The following APC variants were observed in gnomAD, a reference collection of about 807,000 sequenced individuals.
APC encodes the protein APC regulator of Wnt signaling pathway.
Under a neutral mutation model 247.0 loss-of-function variants are expected in APC, and 72 were observed. The ratio of observed to expected loss-of-function variants is 0.29; its 90% CI spans 0.24 to 0.35. The LOEUF is 0.35. APC is among the 10% of genes least tolerant of loss of function. APC has a pLI of 1.00. For synonymous variants in APC, 1,254 were observed against 1,162.5 expected (o/e 1.08, Z -1.60); for missense variants, 3,400 against 3,360.7 (o/e 1.01, Z -0.29).
intron 5 of APC, among the ~76,000 whole-genome samples, chr5:112,776,099 G>A (rs974569682): frequency 6.6e-6 from 1 of 152,100 alleles, no homozygotes; most frequent in African/African-American, 2.4e-5. Flanking sequence ...GTACTGTGTT[G>A]CAGGAATCAT....
At chr5:112,805,163 T>C (rs1761245517) in intron 8 of APC, among the ~76,000 whole-genome samples, 1 of 152,176 alleles carries the variant, frequency 6.6e-6, no homozygotes, top group Non-Finnish European at 1.5e-5. Context: ...ACTTATTCTT[T>C]TGTGTGTCGT....
chr5:112,750,778 G>A (rs1270042227), intron 1 of APC, among the ~76,000 whole-genome samples: 2 of 151,608 alleles, frequency 1.3e-5, no homozygotes, highest in Admixed American at 1.3e-4. Flanking sequence ...CTTTGAAGAG[G>A]GTGTACACCA....
intron 2 of APC, among the ~76,000 whole-genome samples, chr5:112,762,068 G>A (rs1755735208): frequency 6.6e-6 from 1 of 152,032 alleles, no homozygotes; most frequent in East Asian, 1.9e-4. Context: ...AGACAATCCA[G>A]TTTTTAAAAT....
At chr5:112,721,207 A>C (rs1751463868) in intron 1 of APC, among the ~76,000 whole-genome samples, 1 of 152,132 alleles carries the variant, frequency 6.6e-6, no homozygotes, top group Non-Finnish European at 1.5e-5. Context: ...TGAGGTCAGG[A>C]GTTCGAGACC....
rs757577924 is a variant in APC, at chr5:112,840,802, A to G, written c.5208A>G (p.Lys1736=). ...ECINSAMPKG[K]SHKPFRVKKI... Reference sequence around the variant, plus strand: ...TTAATTCTGCTATGCCCAAAGGGAAAAGTCACAAGCCTTTCCGTGTGAAAA... The same window carrying G: ...TTAATTCTGCTATGCCCAAAGGGAAGAGTCACAAGCCTTTCCGTGTGAAAA... The change falls in exon 16 of 16, where the codon AAA becomes AAG. Residue 1736 remains lysine, a synonymous_variant. Transcript: ENST00000257430. The surrounding 1 kb of genome is among the most constrained non-coding windows in gnomAD (Gnocchi z 4.1). 1 of 1,614,128 alleles carries G rather than the reference A, an allele frequency of 6.2e-7. No homozygotes were observed. The highest frequency in any genetic ancestry group is 2.2e-5 in the East Asian group (1 of 44,882).
chr5:112,810,085 C>T (rs750192469), intron 8 of APC: 9 of 454,108 alleles, frequency 2.0e-5, no homozygotes, highest in Non-Finnish European at 4.0e-5. Flanking sequence ...TTAACTGATA[C>T]AGACTATAAG....
At position 112,780,805 on chromosome 5, in the gene APC, G is replaced by T; in HGVS notation, c.547G>T (p.Asp183Tyr). The change falls in exon 6 of 16, where the codon GAT becomes TAT. Residue 183 changes from aspartate to tyrosine, a missense_variant. By Grantham distance (160) the Asp-to-Tyr change is radical (BLOSUM62 -3). Coordinates refer to ENST00000257430, the MANE Select transcript of APC (RefSeq NM_000038.6). ...GTGGTTTTAGTTTTCCTTACAAACA[G>T]ATATGACCAGAAGGCAATTGGAATA... Reference protein sequence around the residue: ...PLTENFSLQTDMTRRQLEYEA... With the variant: ...PLTENFSLQTYMTRRQLEYEA... The T allele has an allele frequency of 6.2e-7, 1 of 1,611,558 alleles. No individual in the cohort carries two copies. The highest frequency in any genetic ancestry group is 8.5e-7 in the Non-Finnish European group (1 of 1,178,020).
chr5:112,771,155 C>G lies in APC; in HGVS notation c.422+3765C>G, dbSNP rs568017955. On this transcript the variant is annotated intron_variant, in intron 4 of 15. Transcript: ENST00000257430. ...TGCTCCCTATTGATAGAATATCATA[C>G]TCTTTGTGCTGTTTAAAGGAAGATG... 3.9e-5 allele frequency among the ~76,000 whole-genome samples: 6 copies of G among 152,208 alleles called. No individual in the cohort carries two copies. The South Asian group carries it at 1.2e-3, about 32-fold the overall frequency.
At chr5:112,782,245 G>T (rs957362892) in intron 6 of APC, among the ~76,000 whole-genome samples, 2 of 152,052 alleles carry the variant, frequency 1.3e-5, no homozygotes, top group Non-Finnish European at 2.9e-5. Flanking sequence ...ATCAGATCTC[G>T]TGAGAATTAT....
At chr5:112,833,832 A>G (rs540138100) in intron 14 of APC, among the ~76,000 whole-genome samples, 16 of 152,326 alleles carry the variant, frequency 1.1e-4, no homozygotes, top group Admixed American at 5.9e-4. Context: ...AACCACTTGT[A>G]TATAATGCTT....
chr5:112,722,925 A>G lies in APC; in HGVS notation c.165+15043A>G, dbSNP rs566391967. Among the ~76,000 whole-genome samples, 4 of 152,134 alleles carry G rather than the reference A, an allele frequency of 2.6e-5. No homozygotes were observed. The South Asian group carries it at 8.3e-4, about 32-fold the overall frequency. On this transcript the variant is annotated intron_variant, in intron 1 of 13. Transcript: ENST00000507379. Reference sequence around the variant, plus strand: ...ACCATGTAGAAATGTGTTTGGACAAAAAGTGCGTGATCTAAGCCCAGCAAG... The same window carrying G: ...ACCATGTAGAAATGTGTTTGGACAAGAAGTGCGTGATCTAAGCCCAGCAAG...
rs886059818 is a variant in APC, at chr5:112,846,086, C to G, written c.*1960C>G. ...AAGATATTTGACTCCAATGCCTGTA[C>G]TGTGTCTACTGCACCACTTTGTAAA... On this transcript the variant is annotated 3_prime_UTR_variant, in exon 16 of 16. Transcript: ENST00000257430. The G allele has an allele frequency of 1.7e-5, 4 of 232,102 alleles. No homozygotes were observed. The Admixed American group carries it at 2.3e-4, about 13-fold the overall frequency. 14.4% of individuals were successfully genotyped at this position (232,102 alleles called of 1,614,324 possible). A position where few individuals can be genotyped will look rare whatever the true frequency, so the allele number is the denominator to read the frequency against.
intron 1 of APC, among the ~76,000 whole-genome samples, chr5:112,723,144 T>TA (rs34534877): frequency 0.39 from 59,098 of 150,190 alleles, 13,748 homozygotes; most frequent in East Asian, 0.67. Context: ...TCAACATTAT[T>TA]AAAAAAAAAG....
In APC at chr5:112,773,792, G is replaced by C. The variant is rs571905577; in HGVS notation, c.423-1837G>C. 2.6e-5 allele frequency among the ~76,000 whole-genome samples: 4 copies of C among 152,128 alleles called. No individual in the cohort carries two copies. In the South Asian group the frequency reaches 8.3e-4, roughly 32 times the overall value. Reference sequence around the variant, plus strand: ...ACAAAGCACTATCATTTTTAATATAGAAAAGGTCCTACAAATAAGAAAAAT... The same window carrying C: ...ACAAAGCACTATCATTTTTAATATACAAAAGGTCCTACAAATAAGAAAAAT... On this transcript the variant is annotated intron_variant, in intron 4 of 15. Coordinates refer to ENST00000257430, the MANE Select transcript of APC (RefSeq NM_000038.6).
chr5:112,838,874 G>A lies in APC; in HGVS notation c.3280G>A (p.Gly1094Arg), dbSNP rs2149888635. Residue 1094 changes from glycine to arginine, a missense_variant, in exon 16 of 16, where the codon GGA becomes AGA. Gly to Arg is a moderately radical substitution (Grantham distance 125). Around this residue, in one of 9 missense-constraint regions of APC, gnomAD observed 715 missense variants for 656.6 expected, o/e 1.09. Transcript: ENST00000257430. The part of the protein sequence containing the change: ...DKHLKFQPHF[G>R]QQECVSPYRS... ...ACACCTCAAGTTCCAACCACATTTT[G>A]GACAGCAGGAATGTGTTTCTCCATA... The A allele has an allele frequency of 1.2e-6, 2 of 1,614,114 alleles. No individual in the cohort carries two copies. Among genetic ancestry groups the A allele is most frequent in the South Asian group, 1.1e-5 (1 of 91,078 alleles).
chr5:112,838,008 G>A lies in APC; in HGVS notation c.2414G>A (p.Arg805Gln), dbSNP rs200593940. Reference sequence around the variant, plus strand: ...GGTGATTATGTTTTTGACACCAATCGACATGATGATAATAGGTCAGACAAT... The same window carrying A: ...GGTGATTATGTTTTTGACACCAATCAACATGATGATAATAGGTCAGACAAT... ...LYGDYVFDTNRHDDNRSDNFN... is the reference protein window; with the variant it reads ...LYGDYVFDTNQHDDNRSDNFN... The change falls in exon 16 of 16, where the codon CGA becomes CAA. Residue 805 changes from arginine (R) to glutamine (Q), a missense_variant. Transcript: ENST00000257430. 8.7e-6 allele frequency: 14 copies of A among 1,614,008 alleles called. No individual in the cohort carries two copies. The highest frequency in any genetic ancestry group is 5.3e-5 in the African/African-American group (4 of 75,014).
chr5:112,801,631 G>GT (rs1760841876), intron 8 of APC, among the ~76,000 whole-genome samples: 1 of 151,578 alleles, frequency 6.6e-6, no homozygotes, highest in African/African-American at 2.4e-5. Context: ...TAAAATGATT[G>GT]TGAGTAGTTT....
Position 112,740,250 on chromosome 5 carries a change from T to C in APC, c.-19+2325T>C, listed in dbSNP as rs74627407. 0.05 allele frequency among the ~76,000 whole-genome samples: 7,543 copies of C among 152,236 alleles called. 345 individuals are homozygous for C. Among genetic ancestry groups the C allele is most frequent in the East Asian group, 0.13 (690 of 5,182 alleles). On this transcript the variant is annotated intron_variant, in intron 1 of 15. Transcript: ENST00000257430. Reference sequence around the variant, plus strand: ...TTCATAAACGACTTTTTAAAGATCGTCTTATTAATCATATGAACACATTTA... The same window carrying C: ...TTCATAAACGACTTTTTAAAGATCGCCTTATTAATCATATGAACACATTTA...
At position 112,837,537 on chromosome 5, in the gene APC, C is replaced by T. The variant is rs1193952212; in HGVS notation, c.1959-16C>T. 6.2e-7 allele frequency: 1 copy of T among 1,601,230 alleles called. No individual in the cohort carries two copies. The highest frequency in any genetic ancestry group is 1.7e-5 in the Admixed American group (1 of 59,970). ...CATTGTGACCTTAATTTTGTGATCT[C>T]TTGATTTTATTTCAGGCAAATCCTA... On this transcript the variant is annotated splice_polypyrimidine_tract_variant and intron_variant, in intron 15 of 15. Transcript: ENST00000257430.
Sources: gnomAD v4.1 joint callset for allele counts (sites outside exome capture counted in the v4.1 genomes callset) on GRCh38, gnomAD v4.1.1 for gene constraint, gnomAD v4.1.1 regional missense constraint, Gnocchi (gnomAD v3.1) non-coding constraint, MANE v1.5 for transcripts, NCBI Gene and HGNC (gene_info 2026-07-23, HGNC 2026-07-21) for gene names.